The following DIP2C variants were observed in gnomAD, a reference collection of about 807,000 sequenced individuals.
DIP2C encodes DIP2 acetate--CoA ligase C (putative).
A neutral mutation model predicts 192.4 loss-of-function variants in DIP2C; 33 were observed. That is an observed-to-expected ratio of 0.17 (90% CI 0.13 to 0.23). DIP2C has a LOEUF of 0.23. Among genes scored for constraint, DIP2C ranks in the 10% least tolerant of loss-of-function variants. The pLI is 1.00. For missense variants in DIP2C, 1,537 were observed against 2,110.1 expected, an observed-to-expected ratio of 0.73 and a Z score of 5.32; for synonymous variants, 979 against 864.1, an observed-to-expected ratio of 1.13 and a Z score of -2.33.
At chr10:623,346 G>A (rs182107196) in intron 1 of DIP2C, among the ~76,000 whole-genome samples, 115 of 151,848 alleles carry the variant, frequency 7.6e-4, no homozygotes, top group African/African-American at 2.6e-3. Flanking sequence ...CGCTGCAGCC[G>A]TGCTGGCGAG....
At chr10:474,981 G>A (rs554673221) in intron 2 of DIP2C, among the ~76,000 whole-genome samples, 5 of 151,810 alleles carry the variant, frequency 3.3e-5, no homozygotes, top group South Asian at 2.1e-4. Context: ...TTCTTCTCAC[G>A]GGGGCACACC....
chr10:332,456 G>A (rs1474422440), intron 29 of DIP2C, among the ~76,000 whole-genome samples: 2 of 152,112 alleles, frequency 1.3e-5, no homozygotes, highest in Non-Finnish European at 2.9e-5. Flanking sequence ...GAAACAAATA[G>A]AAAACCCAAC....
At chr10:578,283 TGAA>T (rs1425638880) in intron 1 of DIP2C, among the ~76,000 whole-genome samples, 2 of 152,276 alleles carry the variant, frequency 1.3e-5, no homozygotes, top group Middle Eastern at 3.4e-3. Context: ...TGCTACATCA[TGAA>T]GAACACAAGG....
intron 8 of DIP2C, among the ~76,000 whole-genome samples, chr10:410,489 G>A (rs1482294906): frequency 6.6e-6 from 1 of 152,082 alleles, no homozygotes; most frequent in Non-Finnish European, 1.5e-5. Flanking sequence ...TTATTTTCCT[G>A]GAAAAGATCA....
intron 1 of DIP2C, chr10:631,318 C>T (rs1403041362): frequency 2.0e-5 from 3 of 152,236 alleles, no homozygotes; most frequent in African/African-American, 4.8e-5. Flanking sequence ...TCCTTCCACC[C>T]ACTGTAGCAG....
intron 1 of DIP2C, among the ~76,000 whole-genome samples, chr10:594,817 C>T (rs955196035): frequency 1.1e-4 from 16 of 152,206 alleles, no homozygotes; most frequent in African/African-American, 2.4e-5. Context: ...GGGTTCAGAT[C>T]ATGTCGAATT....
intron 29 of DIP2C, among the ~76,000 whole-genome samples, chr10:338,241 T>C (rs1490123939): frequency 2.6e-5 from 4 of 152,226 alleles, no homozygotes; most frequent in African/African-American, 9.7e-5. Flanking sequence ...AATTTATTAC[T>C]GAAGAACTAA....
At chr10:453,823 G>T (rs1969057344) in intron 3 of DIP2C, among the ~76,000 whole-genome samples, 2 of 152,220 alleles carry the variant, frequency 1.3e-5, no homozygotes, top group Admixed American at 6.5e-5. Flanking sequence ...GGCAGGGAGG[G>T]ATATTGCTGG....
At chr10:509,507 G>C (rs556929962) in intron 1 of DIP2C, among the ~76,000 whole-genome samples, 1 of 152,156 alleles carries the variant, frequency 6.6e-6, no homozygotes, top group Non-Finnish European at 1.5e-5. Context: ...GAGCAGAGCC[G>C]GCTTCCGCAG....
intron 1 of DIP2C, chr10:667,855 A>G (rs1391893804): frequency 6.6e-6 from 1 of 152,218 alleles, no homozygotes; most frequent in Non-Finnish European, 1.5e-5. Flanking sequence ...CAACACATAC[A>G]ACATACATGC....
Position 369,435 on chromosome 10 carries a change from A to C in DIP2C, c.2131+59T>G, listed in dbSNP as rs556387609. ...ACGTGGGAACGCAGGCTTTGGTGAC[A>C]TGTGTTAGAAAAGCATTTAATAACT... On this transcript the variant is annotated intron_variant, in intron 18 of 36. Transcript: ENST00000280886. The C allele has an allele frequency of 1.4e-5, 20 of 1,474,042 alleles. No individual in the cohort carries two copies. In the East Asian group the frequency reaches 5.0e-4, roughly 36 times the overall value. 91.3% of individuals were successfully genotyped at this position (1,474,042 alleles called of 1,614,324 possible).
chr10:467,715 ACAC>A (rs1273699793), intron 3 of DIP2C, among the ~76,000 whole-genome samples: 1 of 151,954 alleles, frequency 6.6e-6, no homozygotes, highest in Non-Finnish European at 1.5e-5. Flanking sequence ...AGAAAACTAA[ACAC>A]CACTTGTTCT....
At chr10:307,673 G>A (rs1164586694) in intron 32 of DIP2C, among the ~76,000 whole-genome samples, 2 of 152,136 alleles carry the variant, frequency 1.3e-5, no homozygotes, top group African/African-American at 2.4e-5. Flanking sequence ...AGAGAACATC[G>A]CGGAGAAAAA....
chr10:303,021 C>T (rs930521780), intron 32 of DIP2C, among the ~76,000 whole-genome samples: 3 of 152,088 alleles, frequency 2.0e-5, no homozygotes, highest in African/African-American at 4.8e-5. Context: ...TCGTAAACAC[C>T]GTACTTGTGA....
At chr10:408,891 T>C (rs1564673026) in intron 9 of DIP2C, 35 bp downstream of exon 9, 1 of 1,605,896 alleles carries the variant, frequency 6.2e-7, no homozygotes, top group East Asian at 2.2e-5. Context: ...AGGACTCTTG[T>C]GTTTTGTAGA....
Position 576,719 on chromosome 10 carries a change from C to T in DIP2C, c.86-90189G>A, listed in dbSNP as rs539819521. ...GATCAGGAGTTGGAGACCAGCCTGG[C>T]CAACATGGCAAAACCCCATCTCGAC... is the stretch of plus-strand genomic sequence containing the variant. On this transcript the variant is annotated intron_variant, in intron 1 of 36. Coordinates refer to ENST00000280886, the MANE Select transcript of DIP2C (RefSeq NM_014974.3). 8.5e-4 allele frequency among the ~76,000 whole-genome samples: 129 copies of T among 152,068 alleles called. 1 individual carries two copies. The highest frequency in any genetic ancestry group is 1.5e-3 in the Non-Finnish European group (104 of 68,018).
rs79431078 is a variant in DIP2C at position 315,857 on chromosome 10, C to G, written c.3925-5765G>C. ...CACTCTGTTCCACTGTATTTTCATG[C>G]CTTTTCTCCTTGTTTTATGCTTAGG... On this transcript the variant is annotated intron_variant, in intron 31 of 36. Coordinates refer to ENST00000280886, the MANE Select transcript of DIP2C (RefSeq NM_014974.3). 2.4e-3 allele frequency among the ~76,000 whole-genome samples: 358 copies of G among 152,214 alleles called. 6 individuals carry two copies. Among genetic ancestry groups the G allele is most frequent in the East Asian group, 0.017 (86 of 5,182 alleles).
intron 18 of DIP2C, among the ~76,000 whole-genome samples, chr10:368,579 G>A (rs779642376): frequency 2.0e-5 from 3 of 152,228 alleles, no homozygotes; most frequent in Non-Finnish European, 2.9e-5. Flanking sequence ...ACAGAAAGGC[G>A]AGACAGCTTC....
At chr10:304,079 G>A (rs1589431238) in intron 32 of DIP2C, among the ~76,000 whole-genome samples, 1 of 152,248 alleles carries the variant, frequency 6.6e-6, no homozygotes, top group East Asian at 1.9e-4. Flanking sequence ...TAAGTATAGA[G>A]AATATGCTCT....
Sources: gnomAD v4.1 joint callset for allele counts (sites outside exome capture counted in the v4.1 genomes callset) on GRCh38, gnomAD v4.1.1 for gene constraint, MANE v1.5 for transcripts, NCBI Gene and HGNC (gene_info 2026-07-23, HGNC 2026-07-21) for gene names.